RB1CC1: variants seen among roughly 807,000 people sequenced by gnomAD.
RB1CC1 encodes the protein RB1 inducible coiled-coil 1, also known as RB1-inducible coiled-coil protein 1.
RB1CC1 carries 46 observed loss-of-function variants against 177.5 expected under a neutral mutation model. The ratio of observed to expected loss-of-function variants is 0.26; its 90% CI spans 0.20 to 0.33. The LOEUF is 0.33. Among genes scored for constraint, RB1CC1 ranks in the 10% least tolerant of loss-of-function variants. The pLI, the probability that RB1CC1 is intolerant of heterozygous loss-of-function variation, is 1.00. For missense variants in RB1CC1, 1,703 were observed against 1,816.3 expected (o/e 0.94, Z 1.13); for synonymous variants, 666 against 613.6 (o/e 1.09, Z -1.26).
intron 18 of RB1CC1, among the ~76,000 whole-genome samples, chr8:52,639,719 C>T (rs1304374358): frequency 6.6e-6 from 1 of 152,136 alleles, no homozygotes; most frequent in African/African-American, 2.4e-5. Context: ...CTTCTACTGA[C>T]ATGACTCTAT....
At position 52,656,144 on chromosome 8, in the gene RB1CC1, G is replaced by T. The variant is rs934093714; in HGVS notation, c.3685C>A (p.Gln1229Lys). 1 of 1,613,610 alleles carries T rather than the reference G, an allele frequency of 6.2e-7. No homozygotes were observed. Among genetic ancestry groups the T allele is most frequent in the Non-Finnish European group, 8.5e-7 (1 of 1,179,856 alleles). Residue 1229 changes from glutamine to lysine, a missense_variant, in exon 15 of 24, where the codon CAG becomes AAG. This residue lies in a region of RB1CC1 where 1,169 missense variants were observed against 1,184.7 expected (regional missense o/e 0.99). Transcript: ENST00000025008. ...LVSSQEQDRE[Q>K]LIQKLNCEKD... ...TCACAATTAAGCTTCTGAATTAACT[G>T]TTCTCTGTCTTGCTCCTGGCTGCTG...
chr8:52,662,482 A>T (rs945578377), intron 8 of RB1CC1, among the ~76,000 whole-genome samples: 2 of 152,046 alleles, frequency 1.3e-5, no homozygotes, highest in Non-Finnish European at 2.9e-5. Context: ...TAATAAGGTT[A>T]TTACTACATA....
intron 15 of RB1CC1, among the ~76,000 whole-genome samples, chr8:52,655,311 T>C (rs1850990690): frequency 6.6e-6 from 1 of 152,178 alleles, no homozygotes; most frequent in Non-Finnish European, 1.5e-5. Context: ...GAATTCATGA[T>C]AGAATGAATT....
At position 52,676,458 on chromosome 8, in the gene RB1CC1, T is replaced by G; in HGVS notation, c.483A>C (p.Ser161=). The G allele has an allele frequency of 1.9e-6, 3 of 1,613,650 alleles. No homozygotes were observed. Among genetic ancestry groups the G allele is most frequent in the Non-Finnish European group, 2.5e-6 (3 of 1,179,674 alleles). The change falls in exon 6 of 24, where the codon TCA becomes TCC. Residue 161 remains serine (S), a synonymous_variant. Transcript: ENST00000025008. ...AAIMANLEDC[S]NSYQKLLFKF... Reference sequence around the variant, plus strand: ...TGAAAAGTAGCTTTTGGTATGAATTTGAACAGTCCTCCAGGTTGGCCATGA... The same window carrying G: ...TGAAAAGTAGCTTTTGGTATGAATTGGAACAGTCCTCCAGGTTGGCCATGA...
chr8:52,706,736 A>G (rs1246797927), intron 1 of RB1CC1, among the ~76,000 whole-genome samples: 31 of 134,714 alleles, frequency 2.3e-4, no homozygotes, highest in African/African-American at 8.0e-4. Flanking sequence ...CCTCTGTTTC[A>G]AAAAAAAAAA....
intron 7 of RB1CC1, among the ~76,000 whole-genome samples, chr8:52,669,937 T>C (rs553682895): frequency 3.3e-5 from 5 of 150,840 alleles, no homozygotes; most frequent in Non-Finnish European, 7.4e-5. Flanking sequence ...ATTCACTAAA[T>C]AGTTTACACA....
intron 15 of RB1CC1, among the ~76,000 whole-genome samples, chr8:52,651,333 C>A (rs907622875): frequency 6.6e-6 from 1 of 152,134 alleles, no homozygotes; most frequent in African/African-American, 2.4e-5. Flanking sequence ...CGCTTTTTTG[C>A]GGAACACAGC....
Position 52,623,750 on chromosome 8 carries a change from AT to A in RB1CC1, c.*31del. 2.0e-6 allele frequency: 3 copies of A among 1,493,326 alleles called. No homozygotes were observed. The South Asian group carries it at 3.4e-5, about 17-fold the overall frequency. 92.5% of individuals were successfully genotyped at this position (1,493,326 alleles called of 1,614,324 possible). On this transcript the variant is annotated 3_prime_UTR_variant, in exon 24 of 24. Coordinates refer to ENST00000025008, the MANE Select transcript of RB1CC1 (RefSeq NM_014781.5). Reference sequence around the variant, plus strand: ...GCACTGCAGGACAAATCAGAAAAAAATGTCATAGAATGTATTAATTTTGTCC... The same window carrying A: ...GCACTGCAGGACAAATCAGAAAAAAAGTCATAGAATGTATTAATTTTGTCC...
At position 52,661,649 on chromosome 8, in the gene RB1CC1, C is replaced by G; in HGVS notation, c.1244G>C (p.Ser415Thr). ...CATAATCATCAACTGATTTGCGTGA[C>G]TCAGGCATAAATCAGGTAATACAGA... The part of the protein sequence containing the change: ...DASVLPDLCL[S>T]HANQLMIMLQ... The change falls in exon 9 of 24, where the codon AGT becomes ACT. Residue 415 changes from serine (S) to threonine (T), a missense_variant. Physicochemically the swap from Ser to Thr is moderately conservative, Grantham distance 58. This residue lies in a region of RB1CC1 where 20 missense variants were observed against 58.4 expected (regional missense o/e 0.34). Transcript: ENST00000025008. 1 of 1,612,620 alleles carries G rather than the reference C, an allele frequency of 6.2e-7. No individual in the cohort carries two copies. The highest frequency in any genetic ancestry group is 8.5e-7 in the Non-Finnish European group (1 of 1,179,398).
At chr8:52,678,139 C>A (rs138143110) in intron 5 of RB1CC1, among the ~76,000 whole-genome samples, 74 of 152,144 alleles carry the variant, frequency 4.9e-4, no homozygotes, top group Non-Finnish European at 9.0e-4. Context: ...ATAGTATGGG[C>A]CGGGTGCAGT....
At chr8:52,687,311 G>C (rs888040400) in intron 1 of RB1CC1, among the ~76,000 whole-genome samples, 2 of 152,036 alleles carry the variant, frequency 1.3e-5, no homozygotes, top group Non-Finnish European at 2.9e-5. Context: ...CAACTGTTTT[G>C]GCTTCCTCTT....
intron 5 of RB1CC1, among the ~76,000 whole-genome samples, chr8:52,679,792 G>A (rs991808161): frequency 6.6e-6 from 1 of 152,186 alleles, no homozygotes; most frequent in Admixed American, 6.5e-5. Context: ...TGGGTGGACA[G>A]CAAGAACCTC....
At chr8:52,698,445 C>T (rs1277029882) in intron 1 of RB1CC1, among the ~76,000 whole-genome samples, 2 of 151,568 alleles carry the variant, frequency 1.3e-5, no homozygotes, top group Non-Finnish European at 2.9e-5. Context: ...GCCTCAGCCT[C>T]CCGAGTAGCT....
At position 52,656,346 on chromosome 8, in the gene RB1CC1, C is replaced by A. The variant is rs1483360150; in HGVS notation, c.3483G>T (p.Leu1161Phe). Reference protein sequence around the residue: ...LKAELNKVTSLHNQAFEIEKN... With the variant: ...LKAELNKVTSFHNQAFEIEKN... ...TTTCTATTTCAAATGCTTGGTTATG[C>A]AAAGATGTTACTTTGTTTAATTCAG... Residue 1161 changes from leucine to phenylalanine, a missense_variant, in exon 15 of 24, where the codon TTG (leucine) becomes TTT (phenylalanine). Physicochemically the swap from Leu to Phe is conservative, Grantham distance 22. Around this residue, in one of 6 missense-constraint regions of RB1CC1, gnomAD observed 1,169 missense variants for 1,184.7 expected, o/e 0.99. Transcript: ENST00000025008. 19 of 1,611,840 alleles carry A rather than the reference C, an allele frequency of 1.2e-5. No individual in the cohort carries two copies. Among genetic ancestry groups the A allele is most frequent in the Non-Finnish European group, 1.5e-5 (18 of 1,179,436 alleles).
At chr8:52,698,021 A>G (rs1483507754) in intron 1 of RB1CC1, among the ~76,000 whole-genome samples, 1 of 152,202 alleles carries the variant, frequency 6.6e-6, no homozygotes, top group Non-Finnish European at 1.5e-5. Context: ...TACTTTTATT[A>G]TTCATATTTT....
chr8:52,663,329 C>T (rs1851790066), intron 8 of RB1CC1, among the ~76,000 whole-genome samples: 1 of 151,686 alleles, frequency 6.6e-6, no homozygotes, highest in African/African-American at 2.4e-5. Context: ...CAGTGTTACA[C>T]AGCTTCATAG....
intron 16 of RB1CC1, among the ~76,000 whole-genome samples, chr8:52,644,422 A>T (rs968090630): frequency 6.6e-6 from 1 of 152,238 alleles, no homozygotes; most frequent in Admixed American, 6.5e-5. Context: ...TAGAAATTGT[A>T]CATGTGCTTA....
At chr8:52,640,380 G>GCTA (rs1849466578) in intron 18 of RB1CC1, among the ~76,000 whole-genome samples, 1 of 152,152 alleles carries the variant, frequency 6.6e-6, no homozygotes, top group African/African-American at 2.4e-5. Flanking sequence ...CATTTTGAAT[G>GCTA]TTCTCACCAT....
chr8:52,685,531 CAAG>C lies in RB1CC1; in HGVS notation c.-51-14_-51-12del. On this transcript the variant is annotated splice_polypyrimidine_tract_variant and intron_variant, in intron 2 of 23. Transcript: ENST00000025008. ...CCTCTGATACAGTTACTAGAAGAAA[CAAG>C]AGAAGTGATCAATTTTACAAATGCA... The C allele has an allele frequency of 9.7e-7, 1 of 1,026,898 alleles. No homozygotes were observed. The highest frequency in any genetic ancestry group is 1.5e-6 in the Non-Finnish European group (1 of 679,950). 63.6% of individuals were successfully genotyped at this position (1,026,898 alleles called of 1,614,324 possible).
Sources: allele counts gnomAD v4.1 joint callset (sites outside exome capture counted in the v4.1 genomes callset), GRCh38; gene constraint gnomAD v4.1.1; regional missense constraint gnomAD v4.1.1; transcripts MANE v1.5; gene names NCBI Gene and HGNC (gene_info 2026-07-23, HGNC 2026-07-21).